The following RAF1 variants were observed in gnomAD, a reference collection of about 807,000 sequenced individuals.
RAF1 encodes the protein Raf-1 proto-oncogene, serine/threonine kinase, also known as RAF proto-oncogene serine/threonine-protein kinase.
RAF1 carries 27 observed loss-of-function variants against 81.1 expected under a neutral mutation model. The ratio of observed to expected loss-of-function variants is 0.33; its 90% CI spans 0.25 to 0.46. The LOEUF (loss-of-function observed/expected upper bound fraction) is 0.46. Ranked by LOEUF, RAF1 falls within the 20% of genes least tolerant of loss-of-function variation. RAF1 has a pLI of 1.00. For missense variants in RAF1, 598 were observed against 826.0 expected (o/e 0.72, Z 3.38); for synonymous variants, 298 against 294.0 (o/e 1.01, Z -0.14).
At chr3:12,651,494 C>T (rs2060523767) in intron 1 of RAF1, among the ~76,000 whole-genome samples, 2 of 151,096 alleles carry the variant, frequency 1.3e-5, no homozygotes, top group Admixed American at 6.6e-5. Context: ...ATTAGCCAGG[C>T]GTGGTGGCTC....
intron 1 of RAF1, among the ~76,000 whole-genome samples, chr3:12,658,279 T>C (rs111404434): frequency 6.6e-6 from 1 of 152,214 alleles, no homozygotes; most frequent in Non-Finnish European, 1.5e-5. Context: ...TAATTAATAA[T>C]GGAACAATTA....
intron 11 of RAF1, among the ~76,000 whole-genome samples, chr3:12,595,113 G>A (rs1030121814): frequency 3.3e-5 from 5 of 152,124 alleles, no homozygotes; most frequent in African/African-American, 9.7e-5. Flanking sequence ...TGTCACCGAG[G>A]CTGGAGTGCA....
intron 6 of RAF1, 31 bp downstream of exon 6, chr3:12,606,170 T>C (rs745509301): frequency 1.6e-5 from 25 of 1,551,770 alleles, no homozygotes; most frequent in East Asian, 2.2e-5. Flanking sequence ...CAAATAACTT[T>C]CTAAAAGAAA....
At chr3:12,660,851 T>C (rs1036903740) in intron 1 of RAF1, among the ~76,000 whole-genome samples, 14 of 152,190 alleles carry the variant, frequency 9.2e-5, no homozygotes, top group Non-Finnish European at 7.4e-5. Context: ...GGCAGGCGCC[T>C]GTAGTCCCAG....
intron 13 of RAF1, chr3:12,588,811 T>C (rs976546063): frequency 1.1e-4 from 16 of 152,208 alleles, no homozygotes; most frequent in African/African-American, 3.9e-4. Context: ...AAATCTCAAG[T>C]TGAAATGTGA....
At position 12,584,282 on chromosome 3, in the gene RAF1, A is replaced by G; in HGVS notation, c.*232T>C. 3 of 557,602 alleles carry G rather than the reference A, an allele frequency of 5.4e-6. No homozygotes were observed. The South Asian group carries it at 6.1e-5, about 11-fold the overall frequency. 34.5% of individuals were successfully genotyped at this position (557,602 alleles called of 1,614,324 possible). A position where few individuals can be genotyped will look rare whatever the true frequency, so the allele number is the denominator to read the frequency against. Reference sequence around the variant, plus strand: ...GAAGGCTGGGCCTTGAGCATGGGGAATGTGGGGAGGGAGCAGGACACACCA... The same window carrying G: ...GAAGGCTGGGCCTTGAGCATGGGGAGTGTGGGGAGGGAGCAGGACACACCA... On this transcript the variant is annotated 3_prime_UTR_variant, in exon 18 of 18. Transcript: ENST00000442415.
intron 11 of RAF1, chr3:12,592,064 T>G: frequency 2.1e-6 from 1 of 483,454 alleles, no homozygotes; most frequent in Non-Finnish European, 3.8e-6. Flanking sequence ...AGGTCCAATC[T>G]CTACATAATT....
intron 1 of RAF1, among the ~76,000 whole-genome samples, chr3:12,635,661 G>A (rs1281866332): frequency 3.2e-3 from 407 of 127,138 alleles, no homozygotes; most frequent in Non-Finnish European, 5.3e-3. Flanking sequence ...AAAAAAAAAA[G>A]AGAGAGAGAG....
Position 12,584,055 on chromosome 3 carries a change from T to C in RAF1, c.*459A>G, listed in dbSNP as rs2058232824. On this transcript the variant is annotated 3_prime_UTR_variant, in exon 18 of 18. Transcript: ENST00000442415. ...GCTGTTTGGTGCCTTATGTGCAAAA[T>C]GTCTGGCGCTGCACCACTCTCTGAA... The C allele has an allele frequency of 3.5e-6, 1 of 283,778 alleles. No individual in the cohort carries two copies. The highest frequency in any genetic ancestry group is 5.0e-5 in the East Asian group (1 of 19,992). The allele number at this position is 283,778 out of a possible 1,614,324, so 17.6% of individuals were successfully genotyped here.
rs1485672531 is a variant in RAF1, at chr3:12,604,196, T to C, written c.774A>G (p.Thr258=). 1.2e-6 allele frequency: 2 copies of C among 1,614,072 alleles called. No homozygotes were observed. Among genetic ancestry groups the C allele is most frequent in the East Asian group, 2.2e-5 (1 of 44,896 alleles). The change falls in exon 7 of 18, where the codon ACA becomes ACG. Residue 258 remains threonine (T), a synonymous_variant. Transcript: ENST00000442415. ...TGACCATGTGGACATTAGGTGTGGA[T>C]GTCGACCTCTGCCTCTGGGAGAGGG...
intron 15 of RAF1, 69 bp downstream of exon 14, chr3:12,585,612 G>A: frequency 7.0e-7 from 1 of 1,428,220 alleles, no homozygotes; most frequent in Non-Finnish European, 9.9e-7. Flanking sequence ...CTTTAAGTTT[G>A]CACATAAATC....
At chr3:12,608,293 TCAAA>T (rs1351514603) in intron 5 of RAF1, among the ~76,000 whole-genome samples, 2 of 152,212 alleles carry the variant, frequency 1.3e-5, no homozygotes, top group African/African-American at 4.8e-5. Flanking sequence ...GATTTTATAT[TCAAA>T]CAATTTTAAG....
At chr3:12,599,370 C>T (rs757963029) in intron 11 of RAF1, 2 of 337,700 alleles carry the variant, frequency 5.9e-6, no homozygotes, top group African/African-American at 4.2e-5. Flanking sequence ...CCCTCCATAG[C>T]AGCAGACTCT....
chr3:12,642,311 A>C (rs1236670090), intron 1 of RAF1, among the ~76,000 whole-genome samples: 1 of 147,526 alleles, frequency 6.8e-6, no homozygotes, highest in East Asian at 1.9e-4. Flanking sequence ...AAAAAACCCC[A>C]AAAAACAAAA....
intron 2 of RAF1, among the ~76,000 whole-genome samples, chr3:12,614,195 C>A (rs926476206): frequency 6.6e-6 from 1 of 152,156 alleles, no homozygotes; most frequent in Admixed American, 6.5e-5. Flanking sequence ...ACTTTTGGCT[C>A]ATATGAATGC....
At chr3:12,627,710 A>G (rs1194657975) in intron 1 of RAF1, among the ~76,000 whole-genome samples, 1 of 144,872 alleles carries the variant, frequency 6.9e-6, no homozygotes, top group African/African-American at 2.6e-5. Flanking sequence ...GACTTTGAGG[A>G]TATATTTGCT....
At chr3:12,657,615 T>C (rs2060738020) in intron 1 of RAF1, among the ~76,000 whole-genome samples, 1 of 151,874 alleles carries the variant, frequency 6.6e-6, no homozygotes, top group Non-Finnish European at 1.5e-5. Context: ...CTACTAAAAA[T>C]ACAAAATTAG....
At chr3:12,607,656 A>G (rs2059077159) in intron 5 of RAF1, among the ~76,000 whole-genome samples, 1 of 151,854 alleles carries the variant, frequency 6.6e-6, no homozygotes, top group Admixed American at 6.6e-5. Context: ...TTTAAAAAAT[A>G]ATAATAAAAA....
At chr3:12,610,104 T>G (rs1175071578) in intron 3 of RAF1, among the ~76,000 whole-genome samples, 2 of 152,192 alleles carry the variant, frequency 1.3e-5, no homozygotes, top group Non-Finnish European at 2.9e-5. Flanking sequence ...ACAGTATAAA[T>G]AAGACAAAAA....
Sources: allele counts gnomAD v4.1 joint callset (sites outside exome capture counted in the v4.1 genomes callset), GRCh38; gene constraint gnomAD v4.1.1; transcripts MANE v1.5; gene names NCBI Gene and HGNC (gene_info 2026-07-23, HGNC 2026-07-21).